The following FAM163B variants were observed in gnomAD, a reference collection of about 807,000 sequenced individuals.
FAM163B encodes the protein protein FAM163B.
Under a neutral mutation model 7.6 loss-of-function variants are expected in FAM163B, and 4 were observed. That is an observed-to-expected ratio of 0.52 (90% CI 0.26 to 1.20). FAM163B has a LOEUF of 1.20. FAM163B is among the 50% of genes most tolerant of loss of function. The probability of loss-of-function intolerance (pLI) is 0.14; values close to 1 mark genes in which losing one functional copy is unlikely to be tolerated. For missense variants in FAM163B, 250 were observed against 243.0 expected, an observed-to-expected ratio of 1.03 and a Z score of -0.19; for synonymous variants, 120 against 111.6, an observed-to-expected ratio of 1.07 and a Z score of -0.47.
chr9:133,583,484 C>T (rs1831385567), intron 1 of FAM163B, among the ~76,000 whole-genome samples: 2 of 152,208 alleles, frequency 1.3e-5, no homozygotes, highest in South Asian at 4.1e-4. Flanking sequence ...TCAGTTCCCT[C>T]CTCTATAAAA....
intron 1 of FAM163B, among the ~76,000 whole-genome samples, chr9:133,587,894 C>G (rs1278528579): frequency 1.3e-5 from 2 of 151,556 alleles, no homozygotes; most frequent in African/African-American, 4.8e-5. Flanking sequence ...CTGGGATCTC[C>G]CTGGGAGCCC....
Position 133,577,097 on chromosome 9 carries a change from T to C in FAM163B, c.*1925A>G, listed in dbSNP as rs1248701483. Among the ~76,000 whole-genome samples, 2 of 152,210 alleles carry C rather than the reference T, an allele frequency of 1.3e-5. No homozygotes were observed. Among genetic ancestry groups the C allele is most frequent in the African/African-American group, 2.4e-5 (1 of 41,460 alleles). ...GCACGAGAGTGTGGGAGATGTTTTA[T>C]TGGCTTTCACTTTCCTCAGGGAGCC... is the stretch of plus-strand genomic sequence containing the variant. On this transcript the variant is annotated 3_prime_UTR_variant, in exon 3 of 3. Transcript: ENST00000673969.
In FAM163B at chr9:133,608,679, G is replaced by A. The variant is rs546867138; in HGVS notation, c.-24+398C>T. Among the ~76,000 whole-genome samples the A allele has an allele frequency of 2.0e-5, 3 of 152,358 alleles. No individual in the cohort carries two copies. The South Asian group carries it at 6.2e-4, about 32-fold the overall frequency. Reference sequence around the variant, plus strand: ...GGGATGAAAATGCAGCACCGACTCTGGAAGAAGGCAAAGCTCAGCAAATGA... The same window carrying A: ...GGGATGAAAATGCAGCACCGACTCTAGAAGAAGGCAAAGCTCAGCAAATGA... On this transcript the variant is annotated intron_variant, in intron 1 of 2. Coordinates refer to ENST00000673969, the MANE Select transcript of FAM163B (RefSeq NM_001080515.3).
At chr9:133,605,078 A>ACCGAGGCCTGTGGGCC (rs1326760061) in intron 1 of FAM163B, among the ~76,000 whole-genome samples, 2 of 152,192 alleles carry the variant, frequency 1.3e-5, no homozygotes, top group African/African-American at 4.8e-5. Context: ...CCAGGTGCAG[A>ACCGAGGCCTGTGGGCC]CCGAGGCCTG....
rs113641726 is a variant in FAM163B, at chr9:133,579,094, C to T, written c.429G>A (p.Ala143=). ...TGGCTGAGAGGCGGTTGGGGTTGAG[C>T]GCCTGCAGGCCCCCGAAGCCCCCCG... The part of the protein sequence containing the change: ...LPPGGFGGLQ[A]LNPNRLSAMR... The change falls in exon 3 of 3, where the codon GCG becomes GCA. Residue 143 remains alanine (A), a synonymous_variant. Coordinates refer to ENST00000673969, the MANE Select transcript of FAM163B (RefSeq NM_001080515.3). 2.8e-5 allele frequency: 44 copies of T among 1,596,264 alleles called. No individual in the cohort carries two copies. Among genetic ancestry groups the T allele is most frequent in the Non-Finnish European group, 3.6e-5 (42 of 1,173,218 alleles).
At position 133,578,234 on chromosome 9, in the gene FAM163B, G is replaced by A. The variant is rs1831283162; in HGVS notation, c.*788C>T. Among the ~76,000 whole-genome samples, 2 of 152,170 alleles carry A rather than the reference G, an allele frequency of 1.3e-5. No individual in the cohort carries two copies. The highest frequency in any genetic ancestry group is 1.3e-4 in the Admixed American group (2 of 15,290). ...CTGCCGCTTGCTGGCCCTGTTTCTGGCTGAGCACTGGGTCTATACATTTCC... is the reference window on the plus strand; with the variant it reads ...CTGCCGCTTGCTGGCCCTGTTTCTGACTGAGCACTGGGTCTATACATTTCC... On this transcript the variant is annotated 3_prime_UTR_variant, in exon 3 of 3. Transcript: ENST00000673969.
At position 133,577,298 on chromosome 9, in the gene FAM163B, C is replaced by CCT. The variant is rs1831265192; in HGVS notation, c.*1723_*1724insAG. 1.4e-5 allele frequency among the ~76,000 whole-genome samples: 2 copies of CCT among 147,834 alleles called. No homozygotes were observed. Among genetic ancestry groups the CCT allele is most frequent in the South Asian group, 2.2e-4 (1 of 4,586 alleles). On this transcript the variant is annotated 3_prime_UTR_variant, in exon 3 of 3. Transcript: ENST00000673969. ...CCCACCCCACCCAGCCCACCCCCCACGCCAACGCATCAGAAACAGACTTCA... is the reference window on the plus strand; with the variant it reads ...CCCACCCCACCCAGCCCACCCCCCACCTGCCAACGCATCAGAAACAGACTTCA...
chr9:133,588,582 G>A (rs376655406), intron 1 of FAM163B, among the ~76,000 whole-genome samples: 33 of 244 alleles, frequency 0.14, no homozygotes, highest in South Asian at 0.25. Flanking sequence ...AGCATGCTGA[G>A]GGATCTAGCA....
chr9:133,608,666 C>T (rs538374227), intron 1 of FAM163B, among the ~76,000 whole-genome samples: 181 of 152,348 alleles, frequency 1.2e-3, no homozygotes, highest in Non-Finnish European at 1.9e-3. Flanking sequence ...GATGAAAATG[C>T]AGCACCGACT....
Position 133,577,298 on chromosome 9 carries a change from C to A in FAM163B, c.*1724G>T, listed in dbSNP as rs7854165. Among the ~76,000 whole-genome samples, 3 of 147,834 alleles carry A rather than the reference C, an allele frequency of 2.0e-5. No homozygotes were observed. Among genetic ancestry groups the A allele is most frequent in the Non-Finnish European group, 4.5e-5 (3 of 67,074 alleles). On this transcript the variant is annotated 3_prime_UTR_variant, in exon 3 of 3. Transcript: ENST00000673969. ...CCCACCCCACCCAGCCCACCCCCCA[C>A]GCCAACGCATCAGAAACAGACTTCA...
chr9:133,595,428 C>T (rs547275607), intron 1 of FAM163B, among the ~76,000 whole-genome samples: 112 of 152,302 alleles, frequency 7.4e-4, no homozygotes, highest in Middle Eastern at 3.4e-3. Flanking sequence ...GGATTACAGG[C>T]GTGAGCCACT....
chr9:133,583,196 A>G (rs1588322580), intron 1 of FAM163B, among the ~76,000 whole-genome samples: 1 of 152,174 alleles, frequency 6.6e-6, no homozygotes, highest in Non-Finnish European at 1.5e-5. Context: ...ACTACGGGCC[A>G]TGGCTGAGGG....
chr9:133,579,106 C>T lies in FAM163B; in HGVS notation c.417G>A (p.Gly139=). The T allele has an allele frequency of 6.2e-7, 1 of 1,604,328 alleles. No homozygotes were observed. Residue 139 remains glycine, a synonymous_variant, in exon 3 of 3, where the codon GGG becomes GGA. Transcript: ENST00000673969. ...GGTTGGGGTTGAGCGCCTGCAGGCCCCCGAAGCCCCCCGGGGGCAGCTCCA... is the reference window on the plus strand; with the variant it reads ...GGTTGGGGTTGAGCGCCTGCAGGCCTCCGAAGCCCCCCGGGGGCAGCTCCA... ...EDVELPPGGF[G]GLQALNPNRL... is the part of the protein sequence containing the mutation.
chr9:133,585,132 G>C (rs576055230), intron 1 of FAM163B, among the ~76,000 whole-genome samples: 1 of 152,182 alleles, frequency 6.6e-6, no homozygotes, highest in African/African-American at 2.4e-5. Context: ...GCCCCATCTC[G>C]TCTCTGTAGC....
chr9:133,596,510 C>T (rs1054254413), intron 1 of FAM163B, among the ~76,000 whole-genome samples: 1 of 152,108 alleles, frequency 6.6e-6, no homozygotes, highest in African/African-American at 2.4e-5. Flanking sequence ...TTGAAGGTGA[C>T]ACCAGTGATG....
chr9:133,594,684 T>TG lies in FAM163B; in HGVS notation c.-24+14392dup, dbSNP rs1831605152. Among the ~76,000 whole-genome samples, 2 of 152,028 alleles carry TG rather than the reference T, an allele frequency of 1.3e-5. 1 individual carries two copies. Among genetic ancestry groups the TG allele is most frequent in the Admixed American group, 1.3e-4 (2 of 15,268 alleles). ...TGCTTTTGTGGAGTTTTCAGTCCTG[T>TG]GGGGGGACATGAATGTGCACTGGTG... On this transcript the variant is annotated intron_variant, in intron 1 of 2. Transcript: ENST00000673969.
At chr9:133,602,067 ACCCTGCC>A (rs1479793785) in intron 1 of FAM163B, among the ~76,000 whole-genome samples, 1 of 151,158 alleles carries the variant, frequency 6.6e-6, no homozygotes, top group Non-Finnish European at 1.5e-5. Context: ...CAGGGTTTGA[ACCCTGCC>A]CCCCGCCCCC....
chr9:133,605,294 C>T (rs771031300), intron 1 of FAM163B, among the ~76,000 whole-genome samples: 6 of 152,140 alleles, frequency 3.9e-5, no homozygotes, highest in African/African-American at 1.2e-4. Context: ...AGTAACCTCA[C>T]GAGGGACGCA....
chr9:133,583,910 G>T (rs371850756), intron 1 of FAM163B, among the ~76,000 whole-genome samples: 1 of 152,144 alleles, frequency 6.6e-6, no homozygotes, highest in Admixed American at 6.5e-5. Context: ...CACACACTCC[G>T]CTGGCAGCTC....
Sources: gnomAD v4.1 joint callset for allele counts (sites outside exome capture counted in the v4.1 genomes callset) on GRCh38, gnomAD v4.1.1 for gene constraint, MANE v1.5 for transcripts, NCBI Gene and HGNC (gene_info 2026-07-23, HGNC 2026-07-21) for gene names.